Variants in SMIM14 observed in about 807,000 individuals in gnomAD.
SMIM14 encodes the protein chromosome 4 open reading frame 34.
Under a neutral mutation model 12.6 loss-of-function variants are expected in SMIM14, and 5 were observed. The observed-to-expected ratio is 0.40, with a 90% CI of 0.21 to 0.83. The LOEUF is 0.83. Ranked by LOEUF, SMIM14 falls within the 40% of genes least tolerant of loss-of-function variation. The pLI, the probability that SMIM14 is intolerant of heterozygous loss-of-function variation, is 0.37. For synonymous variants in SMIM14, 30 were observed against 40.1 expected, an observed-to-expected ratio of 0.75 and a Z score of 0.95; for missense variants, 86 against 119.1, an observed-to-expected ratio of 0.72 and a Z score of 1.29.
chr4:39,588,448 A>G (rs1713897765), intron 2 of SMIM14, among the ~76,000 whole-genome samples: 1 of 152,182 alleles, frequency 6.6e-6, no homozygotes, highest in African/African-American at 2.4e-5. Context: ...GACCAATTGT[A>G]TTGCTAATTA....
chr4:39,600,412 G>A (rs1306264205), intron 2 of SMIM14, among the ~76,000 whole-genome samples: 5 of 152,152 alleles, frequency 3.3e-5, no homozygotes, highest in Admixed American at 6.6e-5. Context: ...GAAAAGGGCC[G>A]GGTGTGGTGG....
intron 4 of SMIM14, 45 bp downstream of exon 4, chr4:39,556,383 A>G: frequency 6.3e-7 from 1 of 1,579,734 alleles, no homozygotes; most frequent in Non-Finnish European, 8.6e-7. Flanking sequence ...CCCAGGCCAC[A>G]TACATTCCCT....
At chr4:39,591,745 T>C (rs1197079683) in intron 2 of SMIM14, among the ~76,000 whole-genome samples, 5 of 151,814 alleles carry the variant, frequency 3.3e-5, no homozygotes, top group East Asian at 1.9e-4. Flanking sequence ...TAGTAGAGAC[T>C]ACTACCAACA....
intron 3 of SMIM14, among the ~76,000 whole-genome samples, chr4:39,569,681 G>C (rs1395211046): frequency 6.6e-6 from 1 of 151,850 alleles, no homozygotes; most frequent in Non-Finnish European, 1.5e-5. Flanking sequence ...AGGTTGCAGT[G>C]AGTTGAGACT....
intron 2 of SMIM14, chr4:39,594,118 A>C (rs984312810): frequency 3.9e-5 from 6 of 152,222 alleles, no homozygotes; most frequent in African/African-American, 1.4e-4. Context: ...CAAAAGAACA[A>C]AGCTGGAGGC....
chr4:39,579,105 A>G (rs1280684680), intron 2 of SMIM14, among the ~76,000 whole-genome samples: 1 of 151,978 alleles, frequency 6.6e-6, no homozygotes, highest in Non-Finnish European at 1.5e-5. Context: ...GGCAGAAGAA[A>G]AAGAGATTAA....
intron 2 of SMIM14, among the ~76,000 whole-genome samples, chr4:39,598,847 C>T (rs1714482035): frequency 6.6e-6 from 1 of 152,008 alleles, no homozygotes; most frequent in South Asian, 2.1e-4. Context: ...ACCCCCACAC[C>T]CCCATCCACC....
At chr4:39,577,365 AT>A (rs1470840406) in intron 2 of SMIM14, among the ~76,000 whole-genome samples, 1 of 151,766 alleles carries the variant, frequency 6.6e-6, no homozygotes, top group Non-Finnish European at 1.5e-5. Context: ...GAGTCAAATT[AT>A]GCCTTTCAGT....
intron 2 of SMIM14, chr4:39,593,493 C>A (rs1004574359): frequency 2.0e-5 from 3 of 152,148 alleles, no homozygotes; most frequent in African/African-American, 7.2e-5. Context: ...AAAACTGGCA[C>A]AAGACAAGGA....
At chr4:39,586,509 C>T (rs755195465) in intron 2 of SMIM14, among the ~76,000 whole-genome samples, 2 of 152,000 alleles carry the variant, frequency 1.3e-5, no homozygotes, top group African/African-American at 2.4e-5. Context: ...TTATTTTCTA[C>T]TAAAATTCTG....
intron 4 of SMIM14, among the ~76,000 whole-genome samples, chr4:39,555,852 G>A (rs1304543708): frequency 6.6e-6 from 1 of 152,198 alleles, no homozygotes; most frequent in Non-Finnish European, 1.5e-5. Context: ...AGCATGAGAG[G>A]CAAGGGATCA....
In SMIM14 at chr4:39,563,657, A is replaced by G. The variant is rs1712432520; in HGVS notation, c.125-7087T>C. On this transcript the variant is annotated intron_variant, in intron 3 of 4. Transcript: ENST00000295958. ...TACAACTAACTCCATTTATTCACCT[A>G]TAACCTACATCCCTCTTCCATAAAA... Among the ~76,000 whole-genome samples, 4 of 152,222 alleles carry G rather than the reference A, an allele frequency of 2.6e-5. No individual in the cohort carries two copies. In the South Asian group the frequency reaches 8.3e-4, roughly 32 times the overall value.
intron 3 of SMIM14, among the ~76,000 whole-genome samples, chr4:39,569,216 G>A (rs1712736021): frequency 6.6e-6 from 1 of 152,104 alleles, no homozygotes; most frequent in South Asian, 2.1e-4. Flanking sequence ...CATTTCTATT[G>A]CTTTCTTGTC....
intron 2 of SMIM14, among the ~76,000 whole-genome samples, chr4:39,597,084 C>CTTTTTTTTTTTTTTTTTTTTTTT (rs1436675514): frequency 2.3e-5 from 3 of 133,258 alleles, no homozygotes; most frequent in African/African-American, 5.7e-5. Context: ...CCCAGGTTTC[C>CTTTTTTTTTTTTTTTTTTTTTTT]CTTTTTTTTT....
intron 2 of SMIM14, among the ~76,000 whole-genome samples, chr4:39,582,422 T>C (rs1000215218): frequency 1.3e-5 from 2 of 151,960 alleles, no homozygotes; most frequent in Admixed American, 6.6e-5. Context: ...CCCAGCACTT[T>C]GGGAAGCCGA....
chr4:39,597,085 CTTTTTTTTTTTT>C (rs35373264), intron 2 of SMIM14, among the ~76,000 whole-genome samples: 2 of 133,744 alleles, frequency 1.5e-5, no homozygotes, highest in Admixed American at 1.5e-4. Flanking sequence ...CCAGGTTTCC[CTTTTTTTTTTTT>C]TTTTTTTTTA....
rs183895807 is a variant in SMIM14, at chr4:39,578,578, T to C, written c.76-6115A>G. On this transcript the variant is annotated intron_variant, in intron 2 of 4. Coordinates refer to ENST00000295958, the MANE Select transcript of SMIM14 (RefSeq NM_174921.3). ...CCACATGTGGACAGTTTACTGACAG[T>C]AGTTGCTGTCCAGGAAACCATTCAT... 1.6e-4 allele frequency among the ~76,000 whole-genome samples: 24 copies of C among 152,272 alleles called. No homozygotes were observed. The East Asian group carries it at 3.7e-3, about 23-fold the overall frequency.
At chr4:39,600,155 T>C (rs1349178313) in intron 2 of SMIM14, among the ~76,000 whole-genome samples, 1 of 152,092 alleles carries the variant, frequency 6.6e-6, no homozygotes, top group Admixed American at 6.5e-5. Context: ...CATTGGGGCA[T>C]GACTTTGGCT....
intron 1 of SMIM14, among the ~76,000 whole-genome samples, chr4:39,608,963 T>C (rs760826361): frequency 2.0e-4 from 31 of 152,062 alleles, no homozygotes; most frequent in South Asian, 1.2e-3. Flanking sequence ...GACACTGTAA[T>C]GTACATTTTA....
Sources: allele counts gnomAD v4.1 joint callset (sites outside exome capture counted in the v4.1 genomes callset), GRCh38; gene constraint gnomAD v4.1.1; transcripts MANE v1.5; gene names NCBI Gene and HGNC (gene_info 2026-07-23, HGNC 2026-07-21).